The following CPQ variants were observed in gnomAD, a reference collection of about 807,000 sequenced individuals.
CPQ encodes the protein Ser-Met dipeptidase.
Under a neutral mutation model 45.7 loss-of-function variants are expected in CPQ, and 37 were observed. The observed-to-expected ratio is 0.81, with a 90% confidence interval of 0.62 to 1.07. The LOEUF (loss-of-function observed/expected upper bound fraction) is 1.07, where lower values mean the gene tolerates loss of function less well. Among genes scored for constraint, CPQ ranks in the 50% least tolerant of loss-of-function variants. The pLI, the probability that CPQ is intolerant of heterozygous loss-of-function variation, is 0.00. For missense variants in CPQ, 537 were observed against 572.9 expected, an observed-to-expected ratio of 0.94 and a Z score of 0.64; for synonymous variants, 186 against 205.8, an observed-to-expected ratio of 0.90 and a Z score of 0.82.
rs537237702 is a variant in CPQ, at chr8:97,137,264, A to G, written c.1256-5756A>G. Among the ~76,000 whole-genome samples, 225 of 152,268 alleles carry G rather than the reference A, an allele frequency of 1.5e-3. 1 individual carries two copies. Among genetic ancestry groups the G allele is most frequent in the African/African-American group, 5.2e-3 (216 of 41,554 alleles). Reference sequence around the variant, plus strand: ...TATTTCTTGCCTCTCTTTTTTAAATATGGAATTTGGAGGCTTTGTCTGTCG... The same window carrying G: ...TATTTCTTGCCTCTCTTTTTTAAATGTGGAATTTGGAGGCTTTGTCTGTCG... On this transcript the variant is annotated intron_variant, in intron 7 of 7. Coordinates refer to ENST00000220763, the MANE Select transcript of CPQ (RefSeq NM_016134.4).
intron 5 of CPQ, among the ~76,000 whole-genome samples, chr8:96,978,492 T>C (rs1467333109): frequency 6.6e-6 from 1 of 152,200 alleles, no homozygotes; most frequent in Non-Finnish European, 1.5e-5. Context: ...AGTTAGAATA[T>C]ACAATTTCTG....
chr8:96,693,013 A>G (rs997690170), intron 1 of CPQ, among the ~76,000 whole-genome samples: 21 of 152,158 alleles, frequency 1.4e-4, no homozygotes, highest in Admixed American at 9.8e-4. Context: ...AGAATCAAGC[A>G]GAAATTCTGG....
At chr8:97,060,715 T>C (rs551413881) in intron 6 of CPQ, among the ~76,000 whole-genome samples, 1 of 152,174 alleles carries the variant, frequency 6.6e-6, no homozygotes, top group Admixed American at 6.6e-5. Context: ...GATGAATATC[T>C]TGTTACATGT....
intron 4 of CPQ, among the ~76,000 whole-genome samples, chr8:96,885,815 C>T (rs924545425): frequency 6.6e-6 from 1 of 151,944 alleles, no homozygotes; most frequent in Non-Finnish European, 1.5e-5. Flanking sequence ...AGTGAAACCC[C>T]ATCTCTACTA....
At chr8:96,691,885 T>A (rs1809309377) in intron 1 of CPQ, among the ~76,000 whole-genome samples, 1 of 152,134 alleles carries the variant, frequency 6.6e-6, no homozygotes, top group African/African-American at 2.4e-5. Flanking sequence ...CCCTTCCTTA[T>A]TACTCCAAAA....
intron 1 of CPQ, among the ~76,000 whole-genome samples, chr8:96,780,836 G>C (rs1378564343): frequency 6.6e-6 from 1 of 151,030 alleles, no homozygotes; most frequent in Non-Finnish European, 1.5e-5. Flanking sequence ...ATCTCAGTTT[G>C]GACTCAACAC....
intron 7 of CPQ, among the ~76,000 whole-genome samples, chr8:97,120,065 C>A (rs1450542251): frequency 6.6e-6 from 1 of 152,158 alleles, no homozygotes; most frequent in Non-Finnish European, 1.5e-5. Flanking sequence ...GATATCCAGG[C>A]TGACTAAGAA....
At chr8:97,115,281 C>T (rs1242221546) in intron 7 of CPQ, among the ~76,000 whole-genome samples, 1 of 152,172 alleles carries the variant, frequency 6.6e-6, no homozygotes, top group African/African-American at 2.4e-5. Context: ...ACCTGCACTA[C>T]CTAACTGTTG....
At chr8:96,712,145 T>C (rs982663057) in intron 1 of CPQ, among the ~76,000 whole-genome samples, 7 of 152,214 alleles carry the variant, frequency 4.6e-5, no homozygotes, top group Admixed American at 2.6e-4. Context: ...ATGTCTCACA[T>C]CCAGGTCATG....
chr8:96,827,477 C>T (rs1000254742), intron 2 of CPQ, among the ~76,000 whole-genome samples: 2 of 152,054 alleles, frequency 1.3e-5, no homozygotes, highest in East Asian at 3.9e-4. Context: ...CTACTCTGAG[C>T]CAAGTAGGCT....
At chr8:96,997,593 G>A (rs1251278359) in intron 5 of CPQ, among the ~76,000 whole-genome samples, 1 of 151,736 alleles carries the variant, frequency 6.6e-6, no homozygotes, top group Non-Finnish European at 1.5e-5. Flanking sequence ...AAAATTTCAG[G>A]AGAAAAATTT....
intron 7 of CPQ, among the ~76,000 whole-genome samples, chr8:97,134,678 T>C (rs576458400): frequency 1.5e-4 from 23 of 152,324 alleles, no homozygotes; most frequent in Admixed American, 1.4e-3. Flanking sequence ...GGCACATTTT[T>C]TCCCGAGATA....
At chr8:96,878,918 A>C (rs1812183345) in intron 3 of CPQ, among the ~76,000 whole-genome samples, 1 of 152,226 alleles carries the variant, frequency 6.6e-6, no homozygotes, top group Non-Finnish European at 1.5e-5. Flanking sequence ...TGTGGCACGC[A>C]CTTGGAAGCT....
chr8:96,855,809 T>C (rs1208593514), intron 3 of CPQ, among the ~76,000 whole-genome samples: 1 of 152,086 alleles, frequency 6.6e-6, no homozygotes, highest in Non-Finnish European at 1.5e-5. Context: ...ATTAGAGTGT[T>C]GATTTGAGGA....
chr8:97,031,700 G>A (rs1809910582), intron 6 of CPQ, among the ~76,000 whole-genome samples: 1 of 152,168 alleles, frequency 6.6e-6, no homozygotes, highest in South Asian at 2.1e-4. Context: ...ACACTCAAAG[G>A]ACATGCAATC....
chr8:97,114,958 T>G (rs1326417731), intron 7 of CPQ, among the ~76,000 whole-genome samples: 1 of 152,212 alleles, frequency 6.6e-6, no homozygotes, highest in Non-Finnish European at 1.5e-5. Flanking sequence ...CATTTTGAAA[T>G]GTACAGAGCA....
In CPQ at chr8:96,710,739, T is replaced by C. The variant is rs1809596523; in HGVS notation, c.-35+65337T>C. Among the ~76,000 whole-genome samples the C allele has an allele frequency of 2.0e-5, 3 of 152,218 alleles. No homozygotes were observed. In the South Asian group the frequency reaches 6.2e-4, roughly 31 times the overall value. ...TGATTTGATTTCAGTTTTAAAAAACTTAATGAGATTTGTTTTGTGGCATGT... is the reference window on the plus strand; with the variant it reads ...TGATTTGATTTCAGTTTTAAAAAACCTAATGAGATTTGTTTTGTGGCATGT... On this transcript the variant is annotated intron_variant, in intron 1 of 7. Coordinates refer to ENST00000220763, the MANE Select transcript of CPQ (RefSeq NM_016134.4).
chr8:96,818,350 C>T lies in CPQ; in HGVS notation c.434-16623C>T, dbSNP rs114896099. Among the ~76,000 whole-genome samples the T allele has an allele frequency of 5.9e-3, 902 of 151,990 alleles. 10 individuals are homozygous for T. Among genetic ancestry groups the T allele is most frequent in the African/African-American group, 0.02 (825 of 41,506 alleles). ...TCCAAAACAATTACAATAGCAATATCAGAGCTCACTGATCATAGATCATCA... is the reference window on the plus strand; with the variant it reads ...TCCAAAACAATTACAATAGCAATATTAGAGCTCACTGATCATAGATCATCA... On this transcript the variant is annotated intron_variant, in intron 2 of 7. Transcript: ENST00000220763.
rs771145283 is a variant in CPQ at position 96,896,707 on chromosome 8, A to G, written c.849+16702A>G. Among the ~76,000 whole-genome samples the G allele has an allele frequency of 2.0e-5, 3 of 152,022 alleles. No individual in the cohort carries two copies. The South Asian group carries it at 6.2e-4, about 31-fold the overall frequency. ...CAGAACTTCCATAGGTCTCTTTTTT[A>G]TGCTTTCCATAAAATTTGTCACAAA... On this transcript the variant is annotated intron_variant, in intron 4 of 7. Transcript: ENST00000220763.
Sources: gnomAD v4.1 joint callset for allele counts (sites outside exome capture counted in the v4.1 genomes callset) on GRCh38, gnomAD v4.1.1 for gene constraint, MANE v1.5 for transcripts, NCBI Gene and HGNC (gene_info 2026-07-23, HGNC 2026-07-21) for gene names.